The following TBC1D23 variants were observed in gnomAD, a reference collection of about 807,000 sequenced individuals.
The protein encoded by TBC1D23 is HCV non-structural protein 4A-transactivated protein 1.
Under a neutral mutation model 91.4 loss-of-function variants are expected in TBC1D23, and 55 were observed. That is an observed-to-expected ratio of 0.60 (90% CI 0.48 to 0.75). The LOEUF is 0.75. TBC1D23 is among the 30% of genes least tolerant of loss of function. The probability of loss-of-function intolerance (pLI) is 0.00; values close to 1 mark genes in which losing one functional copy is unlikely to be tolerated. For missense variants in TBC1D23, 725 were observed against 836.1 expected (o/e 0.87, Z 1.64); for synonymous variants, 289 against 281.0 (o/e 1.03, Z -0.28).
chr3:100,302,543 C>G (rs1232708825), intron 11 of TBC1D23, among the ~76,000 whole-genome samples: 2 of 152,064 alleles, frequency 1.3e-5, no homozygotes, highest in Non-Finnish European at 2.9e-5. Flanking sequence ...GCATCAAGAT[C>G]TATTTCTGGA....
intron 10 of TBC1D23, chr3:100,301,824 T>G: frequency 2.5e-6 from 1 of 395,606 alleles, no homozygotes. Context: ...TTTTCTCTAG[T>G]AGAGAATTAT....
intron 13 of TBC1D23, among the ~76,000 whole-genome samples, chr3:100,308,246 C>T (rs979713949): frequency 5.9e-5 from 9 of 152,074 alleles, no homozygotes; most frequent in African/African-American, 1.9e-4. Context: ...GAGGCTGAGG[C>T]GGGCAGATCA....
intron 17 of TBC1D23, among the ~76,000 whole-genome samples, chr3:100,320,451 G>A (rs754809003): frequency 7.9e-5 from 12 of 151,950 alleles, no homozygotes; most frequent in South Asian, 2.1e-4. Flanking sequence ...AGGTAATAGC[G>A]TTAAAAAATC....
chr3:100,316,229 A>AGGAGTGATTACAGCAGTCATTC (rs984524077), intron 16 of TBC1D23, 42 bp downstream of exon 16: 1 of 1,395,000 alleles, frequency 7.2e-7, no homozygotes, highest in Non-Finnish European at 1.0e-6. Context: ...TGCTGTCATT[A>AGGAGTGATTACAGCAGTCATTC]GGAGTGATTA....
Position 100,313,262 on chromosome 3 carries a change from A to T in TBC1D23, c.1598+1385A>T, listed in dbSNP as rs535451233. On this transcript the variant is annotated intron_variant, in intron 15 of 18. Transcript: ENST00000394144. Reference sequence around the variant, plus strand: ...AATTTTTTTCAACTCCCAAGTTCTCAAATTATTAATTTTTGTAACTTAAAT... The same window carrying T: ...AATTTTTTTCAACTCCCAAGTTCTCTAATTATTAATTTTTGTAACTTAAAT... Among the ~76,000 whole-genome samples the T allele has an allele frequency of 7.2e-5, 11 of 152,224 alleles. No individual in the cohort carries two copies. In the South Asian group the frequency reaches 2.3e-3, roughly 32 times the overall value.
intron 3 of TBC1D23, among the ~76,000 whole-genome samples, chr3:100,282,646 A>G (rs750617334): frequency 4.6e-5 from 7 of 152,148 alleles, no homozygotes; most frequent in Non-Finnish European, 8.8e-5. Context: ...TTCTCTTTCC[A>G]TCATATTTTA....
At chr3:100,267,834 A>T (rs923801424) in intron 1 of TBC1D23, among the ~76,000 whole-genome samples, 1 of 152,206 alleles carries the variant, frequency 6.6e-6, no homozygotes, top group African/African-American at 2.4e-5. Context: ...GCTTATATAT[A>T]TTAATAACAT....
At chr3:100,293,138 TTTA>T (rs1559807165) in intron 5 of TBC1D23, among the ~76,000 whole-genome samples, 2 of 105,456 alleles carry the variant, frequency 1.9e-5, no homozygotes, top group African/African-American at 8.7e-5. Flanking sequence ...TACTTATTTA[TTTA>T]TTTATTTATT....
At position 100,324,430 on chromosome 3, in the gene TBC1D23, T is replaced by C. The variant is rs1385244749; in HGVS notation, c.*762T>C. The C allele has an allele frequency of 6.6e-6, 1 of 152,196 alleles. No individual in the cohort carries two copies. Among genetic ancestry groups the C allele is most frequent in the Non-Finnish European group, 1.5e-5 (1 of 68,018 alleles). The allele number at this position is 152,196 out of a possible 1,614,324, so 9.4% of individuals were successfully genotyped here. Reference sequence around the variant, plus strand: ...AGAATTGTGTCTGTAAAAATGTCATTGGTTTTATTACAAGCGGATTATTTT... The same window carrying C: ...AGAATTGTGTCTGTAAAAATGTCATCGGTTTTATTACAAGCGGATTATTTT... On this transcript the variant is annotated 3_prime_UTR_variant, in exon 19 of 19. Transcript: ENST00000394144.
chr3:100,324,705 T>C lies in TBC1D23; in HGVS notation c.*1037T>C, dbSNP rs1258685920. 2.0e-5 allele frequency: 3 copies of C among 152,226 alleles called. No individual in the cohort carries two copies. Among genetic ancestry groups the C allele is most frequent in the Non-Finnish European group, 4.4e-5 (3 of 68,022 alleles). The allele number at this position is 152,226 out of a possible 1,614,324, so 9.4% of individuals were successfully genotyped here. ...ATGTACTGAAAATTGCTCTGCTGTATTTTGCAGCGTTCTTCATTTAATTTA... is the reference window on the plus strand; with the variant it reads ...ATGTACTGAAAATTGCTCTGCTGTACTTTGCAGCGTTCTTCATTTAATTTA... On this transcript the variant is annotated 3_prime_UTR_variant, in exon 19 of 19. Transcript: ENST00000394144.
chr3:100,275,975 T>C (rs909650663), intron 1 of TBC1D23, among the ~76,000 whole-genome samples: 1 of 151,638 alleles, frequency 6.6e-6, no homozygotes, highest in Non-Finnish European at 1.5e-5. Flanking sequence ...AGACAGAAAG[T>C]AAATCAGCGG....
At chr3:100,261,894 A>C (rs1281040711) in intron 1 of TBC1D23, among the ~76,000 whole-genome samples, 1 of 152,224 alleles carries the variant, frequency 6.6e-6, no homozygotes, top group East Asian at 1.9e-4. Context: ...AGGCTTGTCT[A>C]AATTTTACAG....
intron 4 of TBC1D23, among the ~76,000 whole-genome samples, chr3:100,284,280 T>A (rs997363567): frequency 6.6e-6 from 1 of 152,196 alleles, no homozygotes. Context: ...ATGTATGTGT[T>A]TTTTATAACG....
chr3:100,293,899 CAG>C (rs1227546936), intron 5 of TBC1D23, among the ~76,000 whole-genome samples: 3 of 152,070 alleles, frequency 2.0e-5, no homozygotes, highest in African/African-American at 7.2e-5. Flanking sequence ...GAATTTAAAT[CAG>C]AGATATTTTT....
chr3:100,301,781 GTTA>G (rs1437930508), intron 10 of TBC1D23: 2 of 286,110 alleles, frequency 7.0e-6, no homozygotes, highest in African/African-American at 4.5e-5. Context: ...GTTGCTACTT[GTTA>G]TTTAAGAAAA....
intron 1 of TBC1D23, among the ~76,000 whole-genome samples, chr3:100,277,786 T>A (rs764693197): frequency 2.6e-5 from 4 of 152,222 alleles, no homozygotes; most frequent in Non-Finnish European, 4.4e-5. Flanking sequence ...ACTAACAGCC[T>A]GCCTTGTACA....
Position 100,290,622 on chromosome 3 carries a change from T to C in TBC1D23, c.521T>C (p.Leu174Pro), listed in dbSNP as rs1253110851. Reference sequence around the variant, plus strand: ...AGACCATTTCATCTCTTCAGGTTGCTCATCCAATACCATGAGCCTGAGCTT... The same window carrying C: ...AGACCATTTCATCTCTTCAGGTTGCCCATCCAATACCATGAGCCTGAGCTT... Reference protein sequence around the residue: ...KGRPFHLFRLLIQYHEPELCS... With the variant: ...KGRPFHLFRLPIQYHEPELCS... Residue 174 changes from leucine to proline, a missense_variant, in exon 5 of 19, where the codon CTC becomes CCC. Transcript: ENST00000394144. The C allele has an allele frequency of 1.9e-6, 3 of 1,613,796 alleles. No homozygotes were observed. The highest frequency in any genetic ancestry group is 2.5e-6 in the Non-Finnish European group (3 of 1,179,844).
Position 100,299,270 on chromosome 3 carries a change from G to A in TBC1D23, c.1031G>A (p.Arg344His), listed in dbSNP as rs539006102. Reference protein sequence around the residue: ...EGVRFFVVDCRPAEQYNAGHL... With the variant: ...EGVRFFVVDCHPAEQYNAGHL... ...GTCCGGTTCTTTGTGGTGGATTGCC[G>A]TCCTGCAGAACAATATAATGCTGGG... is the stretch of plus-strand genomic sequence containing the variant. Residue 344 changes from arginine (R) to histidine (H), a missense_variant, in exon 10 of 19, where the codon CGT becomes CAT. Arg to His is a conservative substitution (Grantham distance 29, BLOSUM62 0). Transcript: ENST00000394144. 4 of 1,612,500 alleles carry A rather than the reference G, an allele frequency of 2.5e-6. No homozygotes were observed. The highest frequency in any genetic ancestry group is 1.3e-5 in the African/African-American group (1 of 74,984).
rs945205955 is a variant in TBC1D23, at chr3:100,323,557, G to A, written c.2019-30G>A. On this transcript the variant is annotated intron_variant, in intron 18 of 18. Transcript: ENST00000394144. ...TACATATACATATGTATATATATAT[G>A]TATATATATGTATTTTTTTTCCCCC... is the stretch of plus-strand genomic sequence containing the variant. 2.7e-5 allele frequency: 29 copies of A among 1,059,382 alleles called. No homozygotes were observed. In the African/African-American group the frequency reaches 4.5e-4, roughly 16 times the overall value. 65.6% of individuals were successfully genotyped at this position (1,059,382 alleles called of 1,614,324 possible).
Sources: gnomAD v4.1 joint callset for allele counts (sites outside exome capture counted in the v4.1 genomes callset) on GRCh38, gnomAD v4.1.1 for gene constraint, MANE v1.5 for transcripts, NCBI Gene and HGNC (gene_info 2026-07-23, HGNC 2026-07-21) for gene names.